The following PICK1 variants were observed in gnomAD, a reference collection of about 807,000 sequenced individuals.
The protein encoded by PICK1 is protein interacting with PRKCA 1.
A neutral mutation model predicts 48.9 loss-of-function variants in PICK1; 23 were observed. The observed-to-expected ratio is 0.47, with a 90% confidence interval of 0.34 to 0.67. The LOEUF (loss-of-function observed/expected upper bound fraction) is 0.67. PICK1 is among the 30% of genes least tolerant of loss of function. PICK1 has a pLI of 0.01. For synonymous variants in PICK1, 217 were observed against 228.2 expected, an observed-to-expected ratio of 0.95 and a Z score of 0.44; for missense variants, 423 against 557.1, an observed-to-expected ratio of 0.76 and a Z score of 2.42.
In PICK1 at chr22:38,071,740, C is replaced by T. The variant is rs11913181; in HGVS notation, c.552C>T (p.His184=). ...CCTTTTATGAGCTGTCGCAGACTCA[C>T]CGGGGTAATGGCATCCCCCAAAGCT... ...LRAFYELSQT[H]RAFGDVFSVI... Residue 184 remains histidine, a synonymous_variant, in exon 8 of 13, where the codon CAC becomes CAT. Transcript: ENST00000356976. 64 of 1,612,992 alleles carry T rather than the reference C, an allele frequency of 4.0e-5. No homozygotes were observed. The African/African-American group carries it at 7.1e-4, about 18-fold the overall frequency.
In PICK1 at chr22:38,057,746, G is replaced by T; in HGVS notation, c.-57-7G>T. On this transcript the variant is annotated splice_polypyrimidine_tract_variant and splice_region_variant and intron_variant, in intron 1 of 12. Coordinates refer to ENST00000356976, the MANE Select transcript of PICK1 (RefSeq NM_012407.4). ...AAATCCTATGCTCCTTTCTCTCCCG[G>T]ATCCAGTTCCCCATTCCCCTACCGA... 6.9e-7 allele frequency: 1 copy of T among 1,451,662 alleles called. No homozygotes were observed. 89.9% of individuals were successfully genotyped at this position (1,451,662 alleles called of 1,614,324 possible).
rs946693836 is a variant in PICK1, at chr22:38,075,344, C to G, written c.*212C>G. 10 of 555,522 alleles carry G rather than the reference C, an allele frequency of 1.8e-5. No homozygotes were observed. Among genetic ancestry groups the G allele is most frequent in the Non-Finnish European group, 2.9e-5 (9 of 314,634 alleles). The allele number at this position is 555,522 out of a possible 1,614,324, so 34.4% of individuals were successfully genotyped here. On this transcript the variant is annotated 3_prime_UTR_variant, in exon 13 of 13. Transcript: ENST00000356976. ...TGGGACCTGGACACTGGCCCCTCCACCCTCCCTCCCCTCCCGGCTCCCCGG... is the reference window on the plus strand; with the variant it reads ...TGGGACCTGGACACTGGCCCCTCCAGCCTCCCTCCCCTCCCGGCTCCCCGG...
intron 3 of PICK1, among the ~76,000 whole-genome samples, chr22:38,061,524 G>T (rs2085402803): frequency 6.6e-6 from 1 of 152,064 alleles, no homozygotes; most frequent in African/African-American, 2.4e-5. Flanking sequence ...CTTCATGCAT[G>T]GGCTTCCATT....
In PICK1 at chr22:38,073,837, G is replaced by T; in HGVS notation, c.834+14G>T. 1.2e-6 allele frequency: 2 copies of T among 1,612,752 alleles called. No individual in the cohort carries two copies. The highest frequency in any genetic ancestry group is 1.7e-6 in the Non-Finnish European group (2 of 1,179,274). ...TACAGCTGCATTGTGAGTGTTGGAG[G>T]GGGTGGGGGGCTTGTACTTCCCCCC... On this transcript the variant is annotated intron_variant, in intron 11 of 12. Transcript: ENST00000356976. The surrounding 1 kb of genome is among the most constrained non-coding windows in gnomAD (Gnocchi z 5.7).
intron 4 of PICK1, chr22:38,067,327 T>G (rs2085552933): frequency 1.0e-5 from 2 of 193,346 alleles, no homozygotes; most frequent in South Asian, 8.8e-5. Flanking sequence ...TTTTTTTTTT[T>G]GAGACAGAAT....
In PICK1 at chr22:38,065,089, A is replaced by G; in HGVS notation, c.241A>G (p.Lys81Glu). 1 of 1,614,100 alleles carries G rather than the reference A, an allele frequency of 6.2e-7. No homozygotes were observed. The highest frequency in any genetic ancestry group is 8.5e-7 in the Non-Finnish European group (1 of 1,180,018). ...TGVNGRSIKG[K>E]TKVEVAKMIQ... Reference sequence around the variant, plus strand: ...TGTCAATGGCAGGTCAATCAAAGGGAAAACTAAGGTGGAGGTGGCGAAGAT... The same window carrying G: ...TGTCAATGGCAGGTCAATCAAAGGGGAAACTAAGGTGGAGGTGGCGAAGAT... The change falls in exon 4 of 13, where the codon AAA becomes GAA. Residue 81 changes from lysine (K) to glutamate (E), a missense_variant. By Grantham distance (56) the Lys-to-Glu change is moderately conservative. Transcript: ENST00000356976.
chr22:38,072,703 C>T lies in PICK1; in HGVS notation c.690+93C>T, dbSNP rs1244331721. ...GAAGGTCGTATGCTGGAGTCCTGTG[C>T]CTGGGTACAGCCTCTGGCTCAGTCA... On this transcript the variant is annotated intron_variant, in intron 9 of 12. Transcript: ENST00000356976. 11 of 1,539,928 alleles carry T rather than the reference C, an allele frequency of 7.1e-6. No individual in the cohort carries two copies. The East Asian group carries it at 1.3e-4, about 19-fold the overall frequency.
chr22:38,067,178 C>T (rs781722905), intron 4 of PICK1, among the ~76,000 whole-genome samples: 2 of 152,104 alleles, frequency 1.3e-5, no homozygotes, highest in Non-Finnish European at 2.9e-5. Context: ...GGCCCGGTGC[C>T]GGCCCTGTCC....
Position 38,074,586 on chromosome 22 carries a change from T to TGCAG in PICK1, c.979+136_979+137insCAGG. The TGCAG allele has an allele frequency of 7.8e-7, 1 of 1,283,332 alleles. No homozygotes were observed. The allele number at this position is 1,283,332 out of a possible 1,614,324, so 79.5% of individuals were successfully genotyped here. A position where few individuals can be genotyped will look rare whatever the true frequency, so the allele number is the denominator to read the frequency against. ...GGAGCCCAGCCATCTGCCCAGAGCCTGGCCTGGGTGGAGCTGGCCTGTGCG... is the reference window on the plus strand; with the variant it reads ...GGAGCCCAGCCATCTGCCCAGAGCCTGCAGGGCCTGGGTGGAGCTGGCCTGTGCG... On this transcript the variant is annotated intron_variant, in intron 12 of 12. Transcript: ENST00000356976. The surrounding 1 kb of genome is among the most constrained non-coding windows in gnomAD (Gnocchi z 4.5).
rs1470647990 is a variant in PICK1 at position 38,072,556 on chromosome 22, T to C, written c.636T>C (p.Asp212=). The change falls in exon 9 of 13, where the codon GAT becomes GAC. Residue 212 remains aspartate, a synonymous_variant. Coordinates refer to ENST00000356976, the MANE Select transcript of PICK1 (RefSeq NM_012407.4). Reference sequence around the variant, plus strand: ...GCGAGGCTTTTGTGAAGTTCGCCGATGCCCACCGCAGCATCGAGAAGTTCG... The same window carrying C: ...GCGAGGCTTTTGTGAAGTTCGCCGACGCCCACCGCAGCATCGAGAAGTTCG... ...AASEAFVKFA[D]AHRSIEKFGI... 1 of 1,613,502 alleles carries C rather than the reference T, an allele frequency of 6.2e-7. No homozygotes were observed. The highest frequency in any genetic ancestry group is 2.2e-5 in the East Asian group (1 of 44,884).
intron 3 of PICK1, 60 bp downstream of exon 3, chr22:38,059,405 G>T: frequency 1.7e-6 from 2 of 1,170,872 alleles, no homozygotes; most frequent in Non-Finnish European, 2.5e-6. Flanking sequence ...GACAAAGGCA[G>T]GTTCATTTCT....
chr22:38,070,032 C>T (rs2085637890), intron 6 of PICK1, among the ~76,000 whole-genome samples: 3 of 152,226 alleles, frequency 2.0e-5, no homozygotes, highest in Non-Finnish European at 4.4e-5. Context: ...GGAACCCAGG[C>T]CTGGAGGCCA....
chr22:38,072,611 G>A lies in PICK1; in HGVS notation c.690+1G>A. 1 of 1,613,142 alleles carries A rather than the reference G, an allele frequency of 6.2e-7. No individual in the cohort carries two copies. Among genetic ancestry groups the A allele is most frequent in the Non-Finnish European group, 8.5e-7 (1 of 1,180,026 alleles). ...TCGGCTTCTGAAAACCATCAAGCCG[G>A]TAGGTCCTATTGAGCATGTGTGTGT... On this transcript the variant is annotated splice_donor_variant, in intron 9 of 12. Coordinates refer to ENST00000356976, the MANE Select transcript of PICK1 (RefSeq NM_012407.4). LOFTEE classifies it high-confidence loss of function.
intron 9 of PICK1, among the ~76,000 whole-genome samples, 179 bp downstream of exon 9, chr22:38,072,789 G>A (rs2085734374): frequency 6.6e-6 from 1 of 152,046 alleles, no homozygotes; most frequent in South Asian, 2.1e-4. Context: ...TTGACCTCTG[G>A]GCTGGCTTCT....
chr22:38,063,333 T>G (rs2085451966), intron 3 of PICK1, among the ~76,000 whole-genome samples: 1 of 151,580 alleles, frequency 6.6e-6, no homozygotes, highest in Non-Finnish European at 1.5e-5. Flanking sequence ...ATTTTTGTAT[T>G]TTTTTTGTAG....
Sources: gnomAD v4.1 joint callset for allele counts (sites outside exome capture counted in the v4.1 genomes callset) on GRCh38, gnomAD v4.1.1 for gene constraint, Gnocchi (gnomAD v3.1) non-coding constraint, MANE v1.5 for transcripts, NCBI Gene and HGNC (gene_info 2026-07-23, HGNC 2026-07-21) for gene names.